The following CSPP1 variants were observed in gnomAD, a reference collection of about 807,000 sequenced individuals.
CSPP1 encodes the protein centrosome and spindle pole-associated protein 1.
In CSPP1, 126 loss-of-function variants were observed where a neutral mutation model predicts 164.4. The ratio of observed to expected loss-of-function variants is 0.77; its 90% CI spans 0.66 to 0.89. CSPP1 has a LOEUF of 0.89. Among genes scored for constraint, CSPP1 ranks in the 40% least tolerant of loss-of-function variants. CSPP1 has a pLI of 0.00. For missense variants in CSPP1, 1,395 were observed against 1,449.8 expected, an observed-to-expected ratio of 0.96 and a Z score of 0.61; for synonymous variants, 472 against 476.7, an observed-to-expected ratio of 0.99 and a Z score of 0.13.
intron 21 of CSPP1, among the ~76,000 whole-genome samples, chr8:67,161,020 T>TGTTG (rs1828241246): frequency 6.6e-6 from 1 of 152,086 alleles, no homozygotes. Flanking sequence ...GGTTTCACCA[T>TGTTG]GTTGGCCAGG....
intron 4 of CSPP1, chr8:67,086,888 C>CTTT (rs75348559): frequency 1.2e-4 from 109 of 928,396 alleles, no homozygotes; most frequent in African/African-American, 4.2e-4. Flanking sequence ...TTTTTTCTTT[C>CTTT]TTTTTTTTTT....
intron 1 of CSPP1, among the ~76,000 whole-genome samples, chr8:67,071,023 G>A (rs1359435800): frequency 6.6e-6 from 1 of 152,096 alleles, no homozygotes; most frequent in African/African-American, 2.4e-5. Context: ...AGAGTGCTGG[G>A]ATTACAAGTG....
Position 67,092,149 on chromosome 8 carries a change from A to C in CSPP1, c.384+266A>C, listed in dbSNP as rs1200876656. Among the ~76,000 whole-genome samples, 5 of 151,986 alleles carry C rather than the reference A, an allele frequency of 3.3e-5. No individual in the cohort carries two copies. The South Asian group carries it at 8.3e-4, about 25-fold the overall frequency. ...CAGTTATACTTAACTGAATATTCAGAATTCATTTTTTTCAGCATTGATTTC... is the reference window on the plus strand; with the variant it reads ...CAGTTATACTTAACTGAATATTCAGCATTCATTTTTTTCAGCATTGATTTC... On this transcript the variant is annotated intron_variant, in intron 5 of 30. Transcript: ENST00000678616.
At chr8:67,132,158 C>T (rs1056872060) in intron 16 of CSPP1, 78 bp downstream of exon 16, 79 of 1,351,288 alleles carry the variant, frequency 5.8e-5, no homozygotes, top group African/African-American at 1.6e-4. Flanking sequence ...AGAGTGTGGC[C>T]GGGGAGGGGA....
At chr8:67,192,716 T>C (rs1398422721) in intron 29 of CSPP1, among the ~76,000 whole-genome samples, 1 of 152,238 alleles carries the variant, frequency 6.6e-6, no homozygotes, top group African/African-American at 2.4e-5. Flanking sequence ...TCCAAGTCCA[T>C]TCTTTTGCAT....
intron 3 of CSPP1, among the ~76,000 whole-genome samples, chr8:67,085,698 A>G (rs1290137749): frequency 2.0e-5 from 3 of 152,130 alleles, no homozygotes; most frequent in Admixed American, 6.5e-5. Flanking sequence ...TATGTATATG[A>G]TAATATAAAA....
At chr8:67,093,248 T>C (rs2129545000) in intron 5 of CSPP1, among the ~76,000 whole-genome samples, 1 of 152,334 alleles carries the variant, frequency 6.6e-6, no homozygotes, top group East Asian at 1.9e-4. Context: ...AGATGTTTCA[T>C]GAACGAAGCA....
At chr8:67,138,646 T>C (rs1012266493) in intron 17 of CSPP1, among the ~76,000 whole-genome samples, 8 of 152,186 alleles carry the variant, frequency 5.3e-5, no homozygotes, top group Non-Finnish European at 8.8e-5. Flanking sequence ...TTAGGTGTTA[T>C]GTATTGTAGG....
At chr8:67,103,000 ATG>A in intron 7 of CSPP1, 35 bp from the exon 8 acceptor site, 1 of 1,224,876 alleles carries the variant, frequency 8.2e-7, no homozygotes, top group Non-Finnish European at 1.2e-6. Flanking sequence ...GGTCCACTGT[ATG>A]TGGCACATGC....
intron 22 of CSPP1, among the ~76,000 whole-genome samples, chr8:67,163,425 A>C (rs1350363158): frequency 6.6e-6 from 1 of 152,048 alleles, no homozygotes; most frequent in African/African-American, 2.4e-5. Context: ...AAAAAGAATA[A>C]TCGGAGGAGA....
At chr8:67,076,451 C>A (rs748661973) in intron 2 of CSPP1, 31 bp from the exon 3 acceptor site, 7 of 1,311,818 alleles carry the variant, frequency 5.3e-6, no homozygotes, top group African/African-American at 1.5e-5. Context: ...TTTTTTTCCT[C>A]TTGCTTTTGT....
rs754055101 is a variant in CSPP1, at chr8:67,095,371, A to G, written c.562A>G (p.Asn188Asp). The G allele has an allele frequency of 8.7e-6, 14 of 1,607,708 alleles. No homozygotes were observed. Among genetic ancestry groups the G allele is most frequent in the Non-Finnish European group, 1.2e-5 (14 of 1,178,350 alleles). The change falls in exon 7 of 31, where the codon AAT becomes GAT. Residue 188 changes from asparagine to aspartate, a missense_variant. Coordinates refer to ENST00000678616, the MANE Select transcript of CSPP1 (RefSeq NM_001382391.1). ...LTSQIQTSCENSEGPRKDVLT... is the reference protein window; with the variant it reads ...LTSQIQTSCEDSEGPRKDVLT... Reference sequence around the variant, plus strand: ...TTCACAAATACAGACATCTTGTGAAAATTCAGAGGGTCCTAGAAAAGATGT... The same window carrying G: ...TTCACAAATACAGACATCTTGTGAAGATTCAGAGGGTCCTAGAAAAGATGT...
At chr8:67,191,571 A>G (rs1836263515) in intron 29 of CSPP1, among the ~76,000 whole-genome samples, 1 of 152,224 alleles carries the variant, frequency 6.6e-6, no homozygotes, top group African/African-American at 2.4e-5. Context: ...TTTCTTTTGA[A>G]GGTCATTCAT....
chr8:67,108,536 G>A (rs1195612180), intron 9 of CSPP1, among the ~76,000 whole-genome samples: 6 of 152,156 alleles, frequency 3.9e-5, no homozygotes, highest in Non-Finnish European at 8.8e-5. Context: ...CTTCGTGTGA[G>A]GCCTGGAGTG....
intron 24 of CSPP1, among the ~76,000 whole-genome samples, chr8:67,166,387 A>T (rs1829310811): frequency 6.6e-6 from 1 of 152,244 alleles, no homozygotes; most frequent in Non-Finnish European, 1.5e-5. Context: ...TATTAAGTTT[A>T]TGCTGATGTC....
chr8:67,163,247 C>A (rs1315339081), intron 22 of CSPP1, among the ~76,000 whole-genome samples: 2 of 152,118 alleles, frequency 1.3e-5, no homozygotes, highest in East Asian at 1.9e-4. Context: ...GGCAGTAGAC[C>A]CAAAAGTACT....
chr8:67,162,504 T>A (rs1828558774), intron 22 of CSPP1, among the ~76,000 whole-genome samples: 1 of 152,220 alleles, frequency 6.6e-6, no homozygotes, highest in South Asian at 2.1e-4. Flanking sequence ...AAGAAATGTG[T>A]CAGAAGAACA....
At chr8:67,111,087 A>G (rs1381938390) in intron 9 of CSPP1, among the ~76,000 whole-genome samples, 6 of 152,326 alleles carry the variant, frequency 3.9e-5, no homozygotes, top group Admixed American at 2.0e-4. Flanking sequence ...TTGGAGACCA[A>G]TAATGAAGGC....
At chr8:67,118,161 ACT>A (rs1300275522) in intron 13 of CSPP1, 85 bp from the exon 14 acceptor site, 1 of 1,361,814 alleles carries the variant, frequency 7.3e-7, no homozygotes, top group Non-Finnish European at 1.0e-6. Context: ...GATTTTCAGT[ACT>A]GTTTTTGCAA....
Sources: gnomAD v4.1 joint callset for allele counts (sites outside exome capture counted in the v4.1 genomes callset) on GRCh38, gnomAD v4.1.1 for gene constraint, MANE v1.5 for transcripts, NCBI Gene and HGNC (gene_info 2026-07-23, HGNC 2026-07-21) for gene names.